Variants in DPYD observed in about 807,000 individuals in gnomAD.
The protein encoded by DPYD is dihydropyrimidine dehydrogenase [NADP(+)].
A neutral mutation model predicts 116.2 loss-of-function variants in DPYD; 109 were observed. That is an observed-to-expected ratio of 0.94 (90% CI 0.80 to 1.10). The LOEUF (loss-of-function observed/expected upper bound fraction) is 1.10, where lower values mean the gene tolerates loss of function less well. DPYD is among the 50% of genes least tolerant of loss of function. DPYD has a pLI of 0.00. For missense variants in DPYD, 1,302 were observed against 1,254.5 expected (o/e 1.04, Z -0.57); for synonymous variants, 440 against 432.0 (o/e 1.02, Z -0.23).
intron 2 of DPYD, among the ~76,000 whole-genome samples, chr1:97,876,333 C>T (rs1462030576): frequency 6.6e-6 from 1 of 151,930 alleles, no homozygotes; most frequent in Non-Finnish European, 1.5e-5. Context: ...TGGCTGGTAC[C>T]TCCAGGACAG....
At chr1:97,135,951 C>A (rs976439742) in intron 20 of DPYD, among the ~76,000 whole-genome samples, 2 of 152,178 alleles carry the variant, frequency 1.3e-5, no homozygotes, top group African/African-American at 4.8e-5. Context: ...AGAACACAGC[C>A]AGGATCACCG....
chr1:97,409,086 C>T (rs1673832452), intron 14 of DPYD, among the ~76,000 whole-genome samples: 1 of 152,024 alleles, frequency 6.6e-6, no homozygotes, highest in African/African-American at 2.4e-5. Flanking sequence ...TATAAATTCC[C>T]CTTCATATTT....
intron 18 of DPYD, among the ~76,000 whole-genome samples, chr1:97,254,431 T>G (rs549813716): frequency 1.3e-5 from 2 of 152,258 alleles, no homozygotes; most frequent in South Asian, 2.1e-4. Flanking sequence ...TGCTGACACT[T>G]TTTTAGATTT....
Position 97,132,686 on chromosome 1 carries a change from AT to A in DPYD, c.2623-34055del, listed in dbSNP as rs943145180. 5.3e-5 allele frequency among the ~76,000 whole-genome samples: 8 copies of A among 152,154 alleles called. No homozygotes were observed. The South Asian group carries it at 8.3e-4, about 16-fold the overall frequency. On this transcript the variant is annotated intron_variant, in intron 20 of 22. Coordinates refer to ENST00000370192, the MANE Select transcript of DPYD (RefSeq NM_000110.4). ...AAAAATGACTTGCATATGTTTGATCATTTTGCATTTTATCATTAAAACACCT... is the reference window on the plus strand; with the variant it reads ...AAAAATGACTTGCATATGTTTGATCATTTGCATTTTATCATTAAAACACCT...
At chr1:97,810,875 G>C (rs1668319083) in intron 3 of DPYD, among the ~76,000 whole-genome samples, 1 of 152,050 alleles carries the variant, frequency 6.6e-6, no homozygotes, top group Non-Finnish European at 1.5e-5. Context: ...CTAGTATAAA[G>C]ACAAAATTTC....
intron 3 of DPYD, among the ~76,000 whole-genome samples, chr1:97,796,132 T>C (rs941891679): frequency 6.6e-6 from 1 of 152,084 alleles, no homozygotes; most frequent in Non-Finnish European, 1.5e-5. Flanking sequence ...TATATGACAA[T>C]GATCATAATA....
intron 2 of DPYD, among the ~76,000 whole-genome samples, chr1:97,867,902 G>GCA (rs1428376099): frequency 6.6e-6 from 1 of 151,636 alleles, no homozygotes; most frequent in Non-Finnish European, 1.5e-5. Flanking sequence ...GAAATAAAAG[G>GCA]CATCCAAAAC....
At chr1:97,192,311 A>ATGCT (rs946639294) in intron 20 of DPYD, among the ~76,000 whole-genome samples, 13 of 152,070 alleles carry the variant, frequency 8.5e-5, no homozygotes, top group African/African-American at 3.1e-4. Context: ...GAATTATTAA[A>ATGCT]TGCTTCCTTA....
At chr1:97,730,733 A>G (rs1043391537) in intron 4 of DPYD, among the ~76,000 whole-genome samples, 9 of 152,106 alleles carry the variant, frequency 5.9e-5, no homozygotes, top group African/African-American at 1.9e-4. Context: ...AAGTTATTAA[A>G]TTTGAAGAGA....
At chr1:97,150,212 T>A (rs967096617) in intron 20 of DPYD, among the ~76,000 whole-genome samples, 1 of 152,084 alleles carries the variant, frequency 6.6e-6, no homozygotes, top group Admixed American at 6.5e-5. Context: ...ACATTCTCTA[T>A]TTTTCTTCTA....
chr1:97,658,289 T>C (rs538516483), intron 8 of DPYD, among the ~76,000 whole-genome samples: 43 of 152,314 alleles, frequency 2.8e-4, no homozygotes, highest in African/African-American at 9.6e-4. Context: ...AAACCAATTA[T>C]AGGAATAATC....
intron 13 of DPYD, among the ~76,000 whole-genome samples, chr1:97,507,064 G>A (rs1647392166): frequency 6.6e-6 from 1 of 152,022 alleles, no homozygotes; most frequent in South Asian, 2.1e-4. Flanking sequence ...TTACGTCATA[G>A]AAGAGCTTGC....
intron 14 of DPYD, among the ~76,000 whole-genome samples, chr1:97,396,988 T>C (rs1570663888): frequency 1.3e-5 from 2 of 152,070 alleles, no homozygotes; most frequent in East Asian, 3.9e-4. Flanking sequence ...TCTCTTCTCT[T>C]GTCCCACTTC....
intron 13 of DPYD, among the ~76,000 whole-genome samples, chr1:97,457,158 A>C (rs1016263094): frequency 3.3e-5 from 5 of 151,490 alleles, no homozygotes; most frequent in African/African-American, 1.2e-4. Context: ...ATGAATAAGA[A>C]AAAATGTACG....
intron 21 of DPYD, among the ~76,000 whole-genome samples, chr1:97,092,980 G>A (rs545064571): frequency 2.0e-5 from 3 of 151,856 alleles, no homozygotes; most frequent in Non-Finnish European, 2.9e-5. Context: ...ACCACATTAT[G>A]GCATACCTGA....
At chr1:97,631,682 C>T (rs954098341) in intron 8 of DPYD, among the ~76,000 whole-genome samples, 8 of 151,792 alleles carry the variant, frequency 5.3e-5, no homozygotes, top group African/African-American at 1.5e-4. Context: ...CACATACATA[C>T]CACAAAAATG....
intron 2 of DPYD, among the ~76,000 whole-genome samples, chr1:97,870,693 T>C (rs1316009079): frequency 1.3e-5 from 2 of 151,840 alleles, no homozygotes; most frequent in African/African-American, 4.8e-5. Flanking sequence ...CAGCACTTTA[T>C]TTAAGGAAAT....
At chr1:97,617,041 A>G (rs1656328070) in intron 8 of DPYD, among the ~76,000 whole-genome samples, 1 of 152,152 alleles carries the variant, frequency 6.6e-6, no homozygotes, top group Admixed American at 6.5e-5. Flanking sequence ...ATCCCTACTA[A>G]AAATACAAAA....
At chr1:97,313,311 T>C (rs1667622731) in intron 16 of DPYD, among the ~76,000 whole-genome samples, 1 of 151,930 alleles carries the variant, frequency 6.6e-6, no homozygotes, top group Non-Finnish European at 1.5e-5. Context: ...GATAACATAA[T>C]AGATAACTGT....
Sources: gnomAD v4.1 joint callset for allele counts (sites outside exome capture counted in the v4.1 genomes callset) on GRCh38, gnomAD v4.1.1 for gene constraint, MANE v1.5 for transcripts, NCBI Gene and HGNC (gene_info 2026-07-23, HGNC 2026-07-21) for gene names.